The following NEURL1B variants were observed in gnomAD, a reference collection of about 807,000 sequenced individuals.
NEURL1B encodes E3 ubiquitin-protein ligase NEURL1B.
Under a neutral mutation model 37.4 loss-of-function variants are expected in NEURL1B, and 13 were observed. That is an observed-to-expected ratio of 0.35 (90% CI 0.23 to 0.55). NEURL1B has a LOEUF of 0.55. Among genes scored for constraint, NEURL1B ranks in the 20% least tolerant of loss-of-function variants. NEURL1B has a pLI of 0.89. For synonymous variants in NEURL1B, 432 were observed against 426.6 expected, an observed-to-expected ratio of 1.01 and a Z score of -0.16; for missense variants, 790 against 879.2, an observed-to-expected ratio of 0.90 and a Z score of 1.28.
At position 172,686,604 on chromosome 5, in the gene NEURL1B, G is replaced by T; in HGVS notation, c.1424-77G>T. 6.9e-7 allele frequency: 1 copy of T among 1,457,874 alleles called. No homozygotes were observed. The allele number at this position is 1,457,874 out of a possible 1,614,324, so 90.3% of individuals were successfully genotyped here. Reference sequence around the variant, plus strand: ...CCCACCGGTCCCAGCAAGAAGCCCTGCATTCTCGGGGTTGCCCCAACAGAG... The same window carrying T: ...CCCACCGGTCCCAGCAAGAAGCCCTTCATTCTCGGGGTTGCCCCAACAGAG... On this transcript the variant is annotated intron_variant, in intron 4 of 4. Coordinates refer to ENST00000369800, the MANE Select transcript of NEURL1B (RefSeq NM_001142651.3). The surrounding 1 kb of genome is among the most constrained non-coding windows in gnomAD (Gnocchi z 7.9).
intron 1 of NEURL1B, among the ~76,000 whole-genome samples, chr5:172,658,078 C>G (rs1168319571): frequency 6.6e-6 from 1 of 152,186 alleles, no homozygotes; most frequent in South Asian, 2.1e-4. Context: ...GATTCACCCT[C>G]CTTACCCTGC....
At position 172,641,341 on chromosome 5, in the gene NEURL1B, C is replaced by A. The variant is rs1252991461; in HGVS notation, c.-66C>A. The A allele has an allele frequency of 1.8e-5, 24 of 1,357,596 alleles. No homozygotes were observed. Among genetic ancestry groups the A allele is most frequent in the Non-Finnish European group, 2.3e-5 (24 of 1,052,918 alleles). The allele number at this position is 1,357,596 out of a possible 1,614,324, so 84.1% of individuals were successfully genotyped here. On this transcript the variant is annotated 5_prime_UTR_variant, in exon 1 of 5. Transcript: ENST00000369800. This position sits in a 1 kb window ranked among gnomAD's most constrained non-coding sequence, Gnocchi z 6.4. ...CGTCGACCCCGGTCCTGGTCCCTGG[C>A]CCGCCGCGTAATTAGCCTCCGCGCG...
Position 172,670,109 on chromosome 5 carries a change from G to C in NEURL1B, c.356G>C (p.Cys119Ser). The change falls in exon 2 of 5, where the codon TGC becomes TCC. Residue 119 changes from cysteine (C) to serine (S), a missense_variant. Cys to Ser is a moderately radical substitution (Grantham distance 112, BLOSUM62 -1). This residue lies in a region of NEURL1B where 215 missense variants were observed against 309.2 expected (regional missense o/e 0.70). Transcript: ENST00000369800. ...GCCCAGGACATCCCCAAGTACGCCT[G>C]CCCGGACCTGGTCACGCGGCCGGGC... The part of the protein sequence containing the change: ...MSAQDIPKYA[C>S]PDLVTRPGYW... 2 of 1,522,742 alleles carry C rather than the reference G, an allele frequency of 1.3e-6. No homozygotes were observed. Among genetic ancestry groups the C allele is most frequent in the Non-Finnish European group, 1.8e-6 (2 of 1,141,102 alleles). The allele number at this position is 1,522,742 out of a possible 1,614,324, so 94.3% of individuals were successfully genotyped here.
At chr5:172,658,257 C>A (rs572158811) in intron 1 of NEURL1B, among the ~76,000 whole-genome samples, 46 of 152,298 alleles carry the variant, frequency 3.0e-4, no homozygotes, top group Admixed American at 2.9e-3. Context: ...AGGGAGAACA[C>A]CCGCTAAGCT....
At chr5:172,653,540 T>A (rs897167219) in intron 1 of NEURL1B, among the ~76,000 whole-genome samples, 5 of 152,228 alleles carry the variant, frequency 3.3e-5, no homozygotes, top group African/African-American at 1.2e-4. Flanking sequence ...GTTATTTTAA[T>A]GTCCAGTTCA....
rs1189708171 is a variant in NEURL1B, at chr5:172,686,543, AG to A, written c.1424-136del. 13 of 1,074,226 alleles carry A rather than the reference AG, an allele frequency of 1.2e-5. No homozygotes were observed. Among genetic ancestry groups the A allele is most frequent in the Non-Finnish European group, 1.7e-5 (13 of 757,102 alleles). The allele number at this position is 1,074,226 out of a possible 1,614,324, so 66.5% of individuals were successfully genotyped here. Reference sequence around the variant, plus strand: ...AGTAGAGAAAGGTGCAAAACCTGCAAGGTAAACTCAAATTAGTATCTCCCAA... The same window carrying A: ...AGTAGAGAAAGGTGCAAAACCTGCAAGTAAACTCAAATTAGTATCTCCCAA... On this transcript the variant is annotated intron_variant, in intron 4 of 4. Coordinates refer to ENST00000369800, the MANE Select transcript of NEURL1B (RefSeq NM_001142651.3). The surrounding 1 kb of genome is among the most constrained non-coding windows in gnomAD (Gnocchi z 7.9).
intron 2 of NEURL1B, among the ~76,000 whole-genome samples, chr5:172,680,204 G>A (rs988912271): frequency 6.6e-6 from 1 of 152,154 alleles, no homozygotes; most frequent in African/African-American, 2.4e-5. Context: ...TAACATGGGG[G>A]TGTTTACCAC....
chr5:172,658,525 T>C (rs986333366), intron 1 of NEURL1B, among the ~76,000 whole-genome samples: 4 of 151,918 alleles, frequency 2.6e-5, no homozygotes, highest in Non-Finnish European at 5.9e-5. Flanking sequence ...CAGAGCCGAG[T>C]GTGGCTGGGA....
rs368001052 is a variant in NEURL1B, at chr5:172,665,794, C to T, written c.32-3991C>T. Among the ~76,000 whole-genome samples, 1 of 152,088 alleles carries T rather than the reference C, an allele frequency of 6.6e-6. No individual in the cohort carries two copies. Among genetic ancestry groups the T allele is most frequent in the Non-Finnish European group, 1.5e-5 (1 of 68,024 alleles). On this transcript the variant is annotated intron_variant, in intron 1 of 4. Transcript: ENST00000369800. This position sits in a 1 kb window ranked among gnomAD's most constrained non-coding sequence, Gnocchi z 4.1. Reference sequence around the variant, plus strand: ...CAGTGGGCATCCCACTATTCCCAGCCCCTAACTGAGTCCAGGGCCTCCTCC... The same window carrying T: ...CAGTGGGCATCCCACTATTCCCAGCTCCTAACTGAGTCCAGGGCCTCCTCC...
chr5:172,651,530 C>A (rs1048125280), intron 1 of NEURL1B, among the ~76,000 whole-genome samples: 1 of 152,158 alleles, frequency 6.6e-6, no homozygotes, highest in Admixed American at 6.5e-5. Context: ...CCATTAGGGG[C>A]GGTGTTGTTT....
At chr5:172,658,246 CAGGG>C (rs971741943) in intron 1 of NEURL1B, among the ~76,000 whole-genome samples, 2 of 152,158 alleles carry the variant, frequency 1.3e-5, no homozygotes, top group African/African-American at 2.4e-5. Context: ...TCTCCGCACA[CAGGG>C]AGAACACCCG....
rs1482796741 is a variant in NEURL1B, at chr5:172,684,082, C to T, written c.1241C>T (p.Ala414Val). Reference sequence around the variant, plus strand: ...CTGCTGTGCGTCGACACCACGCAGGCGCTCTGGGCCTTCTTCGCCGTGCGC... The same window carrying T: ...CTGCTGTGCGTCGACACCACGCAGGTGCTCTGGGCCTTCTTCGCCGTGCGC... The part of the protein sequence containing the change: ...GRLLCVDTTQ[A>V]LWAFFAVRGG... Residue 414 changes from alanine to valine, a missense_variant, in exon 3 of 5, where the codon GCG becomes GTG. Ala to Val is a moderately conservative substitution (Grantham distance 64, BLOSUM62 0). Transcript: ENST00000369800. 9.3e-6 allele frequency: 12 copies of T among 1,295,092 alleles called. No homozygotes were observed. In the South Asian group the frequency reaches 2.4e-4, roughly 26 times the overall value. 80.2% of individuals were successfully genotyped at this position (1,295,092 alleles called of 1,614,324 possible). A position where few individuals can be genotyped will look rare whatever the true frequency, so the allele number is the denominator to read the frequency against.
chr5:172,678,119 C>T (rs1758274793), intron 2 of NEURL1B, among the ~76,000 whole-genome samples: 1 of 152,104 alleles, frequency 6.6e-6, no homozygotes, highest in Admixed American at 6.5e-5. Context: ...TCCTGCTTTC[C>T]TGGCCACCCC....
In NEURL1B at chr5:172,689,934, T is replaced by G. The variant is rs1758605516; in HGVS notation, c.*3009T>G. 3 of 152,158 alleles carry G rather than the reference T, an allele frequency of 2.0e-5. No individual in the cohort carries two copies. The South Asian group carries it at 6.2e-4, about 32-fold the overall frequency. The allele number at this position is 152,158 out of a possible 1,614,324, so 9.4% of individuals were successfully genotyped here. A position where few individuals can be genotyped will look rare whatever the true frequency, so the allele number is the denominator to read the frequency against. On this transcript the variant is annotated 3_prime_UTR_variant, in exon 5 of 5. Coordinates refer to ENST00000369800, the MANE Select transcript of NEURL1B (RefSeq NM_001142651.3). ...GATCTGGACTCCAACCCAAGGGCCC[T>G]CTCTTGTTATTCAGGGGTGTCCACA...
intron 1 of NEURL1B, among the ~76,000 whole-genome samples, chr5:172,648,048 G>A (rs1292239150): frequency 7.9e-5 from 12 of 152,298 alleles, no homozygotes; most frequent in East Asian, 3.9e-4. Context: ...CAGGGCCCGC[G>A]TCTGTCCTGC....
In NEURL1B at chr5:172,686,343, T is replaced by C; in HGVS notation, c.1423+47T>C. The C allele has an allele frequency of 6.5e-7, 1 of 1,542,776 alleles. No individual in the cohort carries two copies. The highest frequency in any genetic ancestry group is 8.8e-7 in the Non-Finnish European group (1 of 1,141,150). On this transcript the variant is annotated intron_variant, in intron 4 of 4. Coordinates refer to ENST00000369800, the MANE Select transcript of NEURL1B (RefSeq NM_001142651.3). This position sits in a 1 kb window ranked among gnomAD's most constrained non-coding sequence, Gnocchi z 7.9. ...CAGGGGCAGGGGCTGGCGGCTGGCC[T>C]GGCTCCTCCGGCTGTGCCAGTGGCC...
At chr5:172,682,359 G>A (rs940099269) in intron 2 of NEURL1B, among the ~76,000 whole-genome samples, 1 of 152,206 alleles carries the variant, frequency 6.6e-6, no homozygotes, top group African/African-American at 2.4e-5. Flanking sequence ...CAGATCACTT[G>A]AGGTCAGGAG....
At chr5:172,651,023 C>T (rs1358207804) in intron 1 of NEURL1B, among the ~76,000 whole-genome samples, 11 of 152,024 alleles carry the variant, frequency 7.2e-5, no homozygotes, top group South Asian at 2.1e-4. Context: ...AGCCTATGAT[C>T]GGAATGAGTC....
At chr5:172,656,076 G>A (rs1269059635) in intron 1 of NEURL1B, among the ~76,000 whole-genome samples, 2 of 152,210 alleles carry the variant, frequency 1.3e-5, no homozygotes. Context: ...GGCCCCTGCT[G>A]CTGTGTCGTT....
Sources: allele counts gnomAD v4.1 joint callset (sites outside exome capture counted in the v4.1 genomes callset), GRCh38; gene constraint gnomAD v4.1.1; regional missense constraint gnomAD v4.1.1; non-coding constraint Gnocchi (gnomAD v3.1); transcripts MANE v1.5; gene names NCBI Gene and HGNC (gene_info 2026-07-23, HGNC 2026-07-21).